The following ATP2C2 variants were observed in gnomAD, a reference collection of about 807,000 sequenced individuals.
ATP2C2 encodes the protein calcium-transporting ATPase type 2C member 2.
ATP2C2 carries 171 observed loss-of-function variants against 110.8 expected under a neutral mutation model. The ratio of observed to expected loss-of-function variants is 1.54; its 90% CI spans 1.36 to 1.75. ATP2C2 has a LOEUF of 1.75. Among genes scored for constraint, ATP2C2 ranks in the 40% most tolerant of loss-of-function variants. ATP2C2 has a pLI of 0.00. For synonymous variants in ATP2C2, 804 were observed against 508.4 expected (o/e 1.58, Z -7.82); for missense variants, 1,963 against 1,235.0 (o/e 1.59, Z -8.84).
At chr16:84,371,870 T>TG (rs1279151788) in intron 1 of ATP2C2, among the ~76,000 whole-genome samples, 1 of 152,162 alleles carries the variant, frequency 6.6e-6, no homozygotes, top group Non-Finnish European at 1.5e-5. Flanking sequence ...CAGCTGGAGT[T>TG]GGGGCTGATA....
chr16:84,424,576 C>CTGTTTTTTTTTTTTTT (rs1907634859), intron 10 of ATP2C2, among the ~76,000 whole-genome samples: 1 of 114,870 alleles, frequency 8.7e-6, no homozygotes, highest in African/African-American at 4.0e-5. Context: ...CCGCACTGGG[C>CTGTTTTTTTTTTTTTT]TTTTTTTTTT....
At chr16:84,410,517 C>A in intron 4 of ATP2C2, 51 bp from the exon 5 acceptor site, 1 of 1,593,854 alleles carries the variant, frequency 6.3e-7, no homozygotes, top group Non-Finnish European at 8.6e-7. Flanking sequence ...CGCCCTGTCC[C>A]CCCTCCCACT....
Position 84,453,505 on chromosome 16 carries a change from C to T in ATP2C2, c.1980+134C>T, listed in dbSNP as rs1910509949. On this transcript the variant is annotated intron_variant, in intron 20 of 26. Transcript: ENST00000262429. ...GCTTCCTTCTCTAGGTCCAGGGCAGCTGCCCCGGGAGTTACCTTTTCATAG... is the reference window on the plus strand; with the variant it reads ...GCTTCCTTCTCTAGGTCCAGGGCAGTTGCCCCGGGAGTTACCTTTTCATAG... 5.7e-6 allele frequency: 7 copies of T among 1,230,234 alleles called. 1 individual carries two copies. Among genetic ancestry groups the T allele is most frequent in the Non-Finnish European group, 5.9e-6 (5 of 842,966 alleles). The allele number at this position is 1,230,234 out of a possible 1,614,324, so 76.2% of individuals were successfully genotyped here. A position where few individuals can be genotyped will look rare whatever the true frequency, so the allele number is the denominator to read the frequency against.
chr16:84,410,697 C>G lies in ATP2C2; in HGVS notation c.454-7C>G, dbSNP rs1446197473. On this transcript the variant is annotated splice_region_variant and splice_polypyrimidine_tract_variant and intron_variant, in intron 5 of 26. Transcript: ENST00000262429. ...TTAAACAGCACATCTGATGTGCTTC[C>G]TGCCAGGAGTACAGGTCGGAGAAAT... is the stretch of plus-strand genomic sequence containing the variant. 2.5e-6 allele frequency: 4 copies of G among 1,613,974 alleles called. No individual in the cohort carries two copies. The highest frequency in any genetic ancestry group is 1.3e-5 in the African/African-American group (1 of 74,926).
Position 84,368,591 on chromosome 16 carries a change from C to A in ATP2C2, c.-25C>A. On this transcript the variant is annotated 5_prime_UTR_variant, in exon 1 of 27. Coordinates refer to ENST00000262429, the MANE Select transcript of ATP2C2 (RefSeq NM_014861.4). ...GGGCCTCGCCGGGGACCTAGGGACG[C>A]AGGCAACGCCTGCGCCCGCTCACCA... The A allele has an allele frequency of 5.2e-6, 8 of 1,527,396 alleles. No homozygotes were observed. The highest frequency in any genetic ancestry group is 7.1e-6 in the Non-Finnish European group (8 of 1,130,382). 94.6% of individuals were successfully genotyped at this position (1,527,396 alleles called of 1,614,324 possible). A position where few individuals can be genotyped will look rare whatever the true frequency, so the allele number is the denominator to read the frequency against.
intron 21 of ATP2C2, 86 bp downstream of exon 21, chr16:84,455,070 A>AGGAG (rs1567743077): frequency 8.8e-7 from 1 of 1,134,638 alleles, no homozygotes; most frequent in South Asian, 1.6e-5. Context: ...GTGGAGATAG[A>AGGAG]GGGGGGGGTC....
intron 10 of ATP2C2, among the ~76,000 whole-genome samples, chr16:84,425,159 C>T (rs943646987): frequency 6.6e-6 from 1 of 152,192 alleles, no homozygotes; most frequent in Non-Finnish European, 1.5e-5. Context: ...GCAAAGCTAA[C>T]GTTCTTTAGC....
chr16:84,440,981 G>C (rs1300778823), intron 14 of ATP2C2, 23 bp downstream of exon 14: 3 of 1,568,978 alleles, frequency 1.9e-6, no homozygotes, highest in Admixed American at 1.7e-5. Flanking sequence ...AGCGCCATGA[G>C]GGAAATAGGC....
intron 4 of ATP2C2, 84 bp from the exon 5 acceptor site, chr16:84,410,484 A>G (rs1906173661): frequency 2.8e-6 from 4 of 1,446,546 alleles, no homozygotes; most frequent in Non-Finnish European, 3.9e-6. Flanking sequence ...ATCAATCATT[A>G]AAGACAAGCC....
Position 84,442,551 on chromosome 16 carries a change from C to T in ATP2C2, c.1353C>T (p.Ala451=), listed in dbSNP as rs116185386. The change falls in exon 15 of 27, where the codon GCC becomes GCT. Residue 451 remains alanine (A), a synonymous_variant. Transcript: ENST00000262429. ...ACAATGCGGTCATCAGAAAGAACGC[C>T]GTGATGGGGCAGCCCACCGAGGGTG... is the stretch of plus-strand genomic sequence containing the variant. ...VANNAVIRKN[A]VMGQPTEGAL... is the part of the protein sequence containing the mutation. 72 of 1,613,886 alleles carry T rather than the reference C, an allele frequency of 4.5e-5. No homozygotes were observed. In the African/African-American group the frequency reaches 8.3e-4, roughly 19 times the overall value.
intron 10 of ATP2C2, 123 bp from the exon 11 acceptor site, chr16:84,425,612 G>T (rs1416081075): frequency 1.9e-6 from 2 of 1,073,740 alleles, no homozygotes; most frequent in Admixed American, 1.7e-5. Context: ...AGTGGTTGAG[G>T]TTATCAGGCG....
In ATP2C2 at chr16:84,368,587, G is replaced by C; in HGVS notation, c.-29G>C. The C allele has an allele frequency of 1.3e-6, 2 of 1,516,352 alleles. No individual in the cohort carries two copies. Among genetic ancestry groups the C allele is most frequent in the Non-Finnish European group, 1.8e-6 (2 of 1,120,906 alleles). The allele number at this position is 1,516,352 out of a possible 1,614,324, so 93.9% of individuals were successfully genotyped here. ...TCCCGGGCCTCGCCGGGGACCTAGG[G>C]ACGCAGGCAACGCCTGCGCCCGCTC... On this transcript the variant is annotated 5_prime_UTR_variant, in exon 1 of 27. Coordinates refer to ENST00000262429, the MANE Select transcript of ATP2C2 (RefSeq NM_014861.4).
At chr16:84,437,352 C>G (rs1332475745) in intron 11 of ATP2C2, among the ~76,000 whole-genome samples, 1 of 151,870 alleles carries the variant, frequency 6.6e-6, no homozygotes, top group Admixed American at 6.6e-5. Context: ...CACTGCCACA[C>G]CCAGCTAATT....
chr16:84,416,159 G>A (rs1906816724), intron 7 of ATP2C2, among the ~76,000 whole-genome samples: 1 of 152,206 alleles, frequency 6.6e-6, no homozygotes, highest in South Asian at 2.1e-4. Context: ...GGGCAACAGA[G>A]CGAGAAGCAC....
chr16:84,397,279 C>G (rs1297985864), intron 1 of ATP2C2, among the ~76,000 whole-genome samples: 1 of 151,666 alleles, frequency 6.6e-6, no homozygotes, highest in Non-Finnish European at 1.5e-5. Flanking sequence ...TGTGTTTCCC[C>G]TCCCCTTTTC....
intron 3 of ATP2C2, among the ~76,000 whole-genome samples, chr16:84,407,714 C>G (rs1905900603): frequency 6.6e-6 from 1 of 152,110 alleles, no homozygotes; most frequent in Non-Finnish European, 1.5e-5. Context: ...TCAAGCAGTC[C>G]TCCCATTTCT....
intron 1 of ATP2C2, among the ~76,000 whole-genome samples, chr16:84,369,312 G>A (rs1314764392): frequency 2.6e-5 from 4 of 152,166 alleles, no homozygotes; most frequent in Non-Finnish European, 4.4e-5. Flanking sequence ...ATGAGGGAAC[G>A]AAGTGGCAAA....
chr16:84,460,429 C>T (rs939241398), intron 23 of ATP2C2: 7 of 626,634 alleles, frequency 1.1e-5, no homozygotes, highest in Non-Finnish European at 2.0e-5. Flanking sequence ...GGTCTTCCTT[C>T]ACTGTCTGCG....
chr16:84,382,143 AC>A, intron 1 of ATP2C2, among the ~76,000 whole-genome samples: 1 of 149,898 alleles, frequency 6.7e-6, no homozygotes, highest in East Asian at 2.0e-4. Context: ...CTCTCCCCAC[AC>A]CCCCTGACAG....
Sources: gnomAD v4.1 joint callset for allele counts (sites outside exome capture counted in the v4.1 genomes callset) on GRCh38, gnomAD v4.1.1 for gene constraint, MANE v1.5 for transcripts, NCBI Gene and HGNC (gene_info 2026-07-23, HGNC 2026-07-21) for gene names.